Variants in ITFG1 observed in about 807,000 individuals in gnomAD.
ITFG1 encodes integrin alpha FG-GAP repeat containing 1.
ITFG1 carries 34 observed loss-of-function variants against 81.8 expected under a neutral mutation model. That is an observed-to-expected ratio of 0.42 (90% confidence interval 0.32 to 0.55). The LOEUF (loss-of-function observed/expected upper bound fraction) is 0.55, where lower values mean the gene tolerates loss of function less well. ITFG1 is among the 20% of genes least tolerant of loss of function. ITFG1 has a pLI of 0.17. For missense variants in ITFG1, 672 were observed against 755.4 expected, an observed-to-expected ratio of 0.89 and a Z score of 1.29; for synonymous variants, 285 against 270.6, an observed-to-expected ratio of 1.05 and a Z score of -0.52.
intron 10 of ITFG1, among the ~76,000 whole-genome samples, chr16:47,287,851 TCA>T (rs965191228): frequency 4.6e-5 from 7 of 152,350 alleles, no homozygotes; most frequent in African/African-American, 1.2e-4. Context: ...AAATGTCTAT[TCA>T]CAGTTTAAGG....
intron 14 of ITFG1, among the ~76,000 whole-genome samples, chr16:47,208,156 T>G (rs1965523737): frequency 1.3e-5 from 2 of 152,186 alleles, no homozygotes; most frequent in African/African-American, 4.8e-5. Flanking sequence ...CATATTATCA[T>G]TTATTATAAA....
chr16:47,287,899 A>T lies in ITFG1; in HGVS notation c.1070+23341T>A, dbSNP rs116668636. ...GCATTAACCTCTTCTGTTAGAAAGC[A>T]TGGCAAGAATAAATATCTCAATTTA... On this transcript the variant is annotated intron_variant, in intron 10 of 17. Coordinates refer to ENST00000320640, the MANE Select transcript of ITFG1 (RefSeq NM_030790.5). Among the ~76,000 whole-genome samples, 1,088 of 152,346 alleles carry T rather than the reference A, an allele frequency of 7.1e-3. 17 individuals are homozygous for T. Among genetic ancestry groups the T allele is most frequent in the African/African-American group, 0.025 (1,043 of 41,578 alleles).
chr16:47,288,263 T>C (rs1596862972), intron 10 of ITFG1, among the ~76,000 whole-genome samples: 2 of 152,332 alleles, frequency 1.3e-5, no homozygotes, highest in South Asian at 4.1e-4. Context: ...CATGCTGTTA[T>C]GAATGACAAC....
At chr16:47,373,750 AG>A (rs1444244955) in intron 7 of ITFG1, among the ~76,000 whole-genome samples, 1 of 152,242 alleles carries the variant, frequency 6.6e-6, no homozygotes, top group Admixed American at 6.5e-5. Flanking sequence ...TGTAACTGCC[AG>A]AGCACTACCA....
chr16:47,447,974 T>C (rs563611592), intron 5 of ITFG1: 2 of 152,276 alleles, frequency 1.3e-5, no homozygotes, highest in East Asian at 3.9e-4. Context: ...GTATTAAAAA[T>C]ATGAATGTTG....
At chr16:47,185,309 A>T (rs1965196231) in intron 14 of ITFG1, among the ~76,000 whole-genome samples, 2 of 152,204 alleles carry the variant, frequency 1.3e-5, no homozygotes, top group Admixed American at 1.3e-4. Context: ...CTCCACCCCA[A>T]ATCAACAGAA....
intron 8 of ITFG1, among the ~76,000 whole-genome samples, chr16:47,344,695 A>C (rs2151578720): frequency 6.6e-6 from 1 of 152,294 alleles, no homozygotes. Flanking sequence ...TACAGGCATT[A>C]ACCATCCCCA....
At chr16:47,429,314 A>C (rs1240959961) in intron 5 of ITFG1, among the ~76,000 whole-genome samples, 1 of 152,214 alleles carries the variant, frequency 6.6e-6, no homozygotes, top group Non-Finnish European at 1.5e-5. Context: ...TAGCGGAATA[A>C]TATTCCATTG....
chr16:47,269,722 A>G (rs1340246447), intron 10 of ITFG1, among the ~76,000 whole-genome samples: 1 of 152,190 alleles, frequency 6.6e-6, no homozygotes, highest in East Asian at 1.9e-4. Context: ...CTATAGTTTC[A>G]TTGTAATCCC....
intron 2 of ITFG1, among the ~76,000 whole-genome samples, chr16:47,456,618 G>A (rs1476051944): frequency 6.6e-6 from 1 of 151,878 alleles, no homozygotes; most frequent in East Asian, 1.9e-4. Context: ...CTAGAACCAG[G>A]GAGGTGGAGG....
chr16:47,306,193 A>G (rs1049777088), intron 10 of ITFG1, among the ~76,000 whole-genome samples: 5 of 152,188 alleles, frequency 3.3e-5, no homozygotes, highest in Non-Finnish European at 7.3e-5. Flanking sequence ...GGAACTATAA[A>G]AGGAAGAAAA....
At chr16:47,252,435 A>G (rs886374201) in intron 12 of ITFG1, among the ~76,000 whole-genome samples, 3 of 152,226 alleles carry the variant, frequency 2.0e-5, no homozygotes, top group African/African-American at 7.2e-5. Flanking sequence ...ATACTGTTAC[A>G]ATTTTAAAAG....
Position 47,459,186 on chromosome 16 carries a change from C to A in ITFG1, c.209-11G>T, listed in dbSNP as rs577324666. On this transcript the variant is annotated splice_polypyrimidine_tract_variant and intron_variant, in intron 1 of 17. Transcript: ENST00000320640. The stretch of plus-strand genomic sequence containing the variant: ...CGATTAAGTCATTTCCTAAAGAAAA[C>A]AAATATATGATATTAGAAAAATGTT... 5 of 1,535,092 alleles carry A rather than the reference C, an allele frequency of 3.3e-6. No individual in the cohort carries two copies. In the East Asian group the frequency reaches 1.1e-4, roughly 35 times the overall value.
intron 13 of ITFG1, among the ~76,000 whole-genome samples, chr16:47,225,245 G>T (rs1965743672): frequency 6.6e-6 from 1 of 151,026 alleles, no homozygotes; most frequent in African/African-American, 2.4e-5. Context: ...CTAGTCTGAA[G>T]GATAGAAAAA....
At chr16:47,280,687 G>C (rs893741476) in intron 10 of ITFG1, among the ~76,000 whole-genome samples, 4 of 152,094 alleles carry the variant, frequency 2.6e-5, no homozygotes, top group Admixed American at 2.0e-4. Flanking sequence ...GATAGCTTCA[G>C]GATGAGGCCT....
At chr16:47,453,413 G>A (rs1567505644) in intron 3 of ITFG1, among the ~76,000 whole-genome samples, 1 of 152,134 alleles carries the variant, frequency 6.6e-6, no homozygotes, top group South Asian at 2.1e-4. Context: ...CTGTGCTAAG[G>A]AGACTAGAAA....
At chr16:47,255,987 T>A (rs191397326) in intron 12 of ITFG1, among the ~76,000 whole-genome samples, 20 of 152,246 alleles carry the variant, frequency 1.3e-4, no homozygotes, top group South Asian at 2.1e-4. Flanking sequence ...TTTTATTTTT[T>A]TTTTTGAGAC....
At chr16:47,289,554 G>A (rs914654246) in intron 10 of ITFG1, among the ~76,000 whole-genome samples, 1 of 151,820 alleles carries the variant, frequency 6.6e-6, no homozygotes, top group African/African-American at 2.4e-5. Flanking sequence ...CAGGTATTCT[G>A]TTTCTTCTTG....
At chr16:47,383,145 T>G (rs1332236107) in intron 6 of ITFG1, among the ~76,000 whole-genome samples, 1 of 152,132 alleles carries the variant, frequency 6.6e-6, no homozygotes, top group Non-Finnish European at 1.5e-5. Flanking sequence ...ACTTCAAACA[T>G]AAGACTCTCC....
Sources: gnomAD v4.1 joint callset for allele counts (sites outside exome capture counted in the v4.1 genomes callset) on GRCh38, gnomAD v4.1.1 for gene constraint, MANE v1.5 for transcripts, NCBI Gene and HGNC (gene_info 2026-07-23, HGNC 2026-07-21) for gene names.